PLPP1: variants seen among roughly 807,000 people sequenced by gnomAD.
PLPP1 encodes phospholipid phosphatase 1, also known as lipid phosphate phosphohydrolase 1a.
A neutral mutation model predicts 31.2 loss-of-function variants in PLPP1; 24 were observed. The observed-to-expected ratio is 0.77, with a 90% confidence interval of 0.56 to 1.08. The LOEUF is 1.08. Ranked by LOEUF, PLPP1 falls within the 50% of genes least tolerant of loss-of-function variation. The pLI is 0.00. For missense variants in PLPP1, 319 were observed against 342.7 expected, an observed-to-expected ratio of 0.93 and a Z score of 0.55; for synonymous variants, 146 against 126.3, an observed-to-expected ratio of 1.16 and a Z score of -1.05.
intron 1 of PLPP1, among the ~76,000 whole-genome samples, chr5:55,517,991 C>T (rs1380223792): frequency 6.6e-5 from 10 of 152,158 alleles, no homozygotes; most frequent in Non-Finnish European, 5.9e-5. Flanking sequence ...GGATTATAGG[C>T]GTGAGCCACC....
chr5:55,498,172 C>A lies in PLPP1; in HGVS notation c.59-22722G>T, dbSNP rs139734878. On this transcript the variant is annotated intron_variant, in intron 1 of 5. Transcript: ENST00000307259. ...CATATTAAGAACATTGGGTTTTATT[C>A]TGTGGGTAACAAGGAGACACAATTC... is the stretch of plus-strand genomic sequence containing the variant. Among the ~76,000 whole-genome samples the A allele has an allele frequency of 8.8e-4, 134 of 152,092 alleles. 1 individual carries two copies. In the Middle Eastern group the frequency reaches 0.017, roughly 19 times the overall value.
chr5:55,512,480 AAAAG>A (rs1197695331), intron 1 of PLPP1, among the ~76,000 whole-genome samples: 2 of 7,858 alleles, frequency 2.5e-4, no homozygotes, highest in Admixed American at 3.9e-3. Context: ...AAAAAAAAAA[AAAAG>A]AAAGAAAGAA....
At chr5:55,500,053 T>C (rs1333477052) in intron 1 of PLPP1, among the ~76,000 whole-genome samples, 2 of 150,656 alleles carry the variant, frequency 1.3e-5, no homozygotes, top group South Asian at 4.2e-4. Flanking sequence ...ACATCATATA[T>C]GGTATAATTT....
intron 1 of PLPP1, among the ~76,000 whole-genome samples, chr5:55,483,285 G>A (rs1164240781): frequency 6.6e-6 from 1 of 152,096 alleles, no homozygotes; most frequent in South Asian, 2.1e-4. Flanking sequence ...ATCAATGCCA[G>A]AAAAATACAA....
At chr5:55,460,214 A>G (rs937749161) in intron 3 of PLPP1, among the ~76,000 whole-genome samples, 3 of 152,212 alleles carry the variant, frequency 2.0e-5, no homozygotes, top group African/African-American at 7.2e-5. Flanking sequence ...GATCCAATAT[A>G]TCAAAATTTG....
chr5:55,440,608 C>T (rs1751600813), intron 4 of PLPP1, among the ~76,000 whole-genome samples: 1 of 150,994 alleles, frequency 6.6e-6, no homozygotes, highest in Non-Finnish European at 1.5e-5. Context: ...TGCTTCTTCA[C>T]AAAATTTAAT....
chr5:55,493,353 T>TA (rs1314623043), intron 1 of PLPP1, among the ~76,000 whole-genome samples: 7 of 151,624 alleles, frequency 4.6e-5, no homozygotes, highest in African/African-American at 1.7e-4. Flanking sequence ...TGAAAGTTAA[T>TA]GGAACAGTGT....
intron 5 of PLPP1, 92 bp from the exon 6 acceptor site, chr5:55,425,426 C>T (rs1751155973): frequency 5.8e-6 from 7 of 1,204,984 alleles, no homozygotes; most frequent in African/African-American, 1.5e-5. Context: ...TAAATATAAA[C>T]AAAAGGATAT....
chr5:55,507,686 T>C (rs981769779), intron 1 of PLPP1, among the ~76,000 whole-genome samples: 8 of 152,164 alleles, frequency 5.3e-5, no homozygotes, highest in African/African-American at 1.9e-4. Context: ...GGTTGCAGAA[T>C]TGAGATTCAA....
At chr5:55,524,074 T>A (rs868122993) in intron 1 of PLPP1, among the ~76,000 whole-genome samples, 1 of 152,200 alleles carries the variant, frequency 6.6e-6, no homozygotes, top group East Asian at 1.9e-4. Flanking sequence ...AATGATGCAA[T>A]GTCAAATACT....
intron 3 of PLPP1, among the ~76,000 whole-genome samples, chr5:55,458,887 C>CAAAAAAAAAAAAAAAAAAAAAAAAA (rs529067608): frequency 4.7e-5 from 1 of 21,098 alleles, no homozygotes; most frequent in African/African-American, 1.1e-4. Flanking sequence ...ACCCTGTCTC[C>CAAAAAAAAAAAAAAAAAAAAAAAAA]AAAAAAAAAA....
chr5:55,472,363 G>A (rs1752433166), intron 2 of PLPP1, among the ~76,000 whole-genome samples: 1 of 152,184 alleles, frequency 6.6e-6, no homozygotes, highest in African/African-American at 2.4e-5. Context: ...AGCACTTTGG[G>A]AGGCTGAGGC....
In PLPP1 at chr5:55,427,583, G is replaced by A. The variant is rs143789345; in HGVS notation, c.550-1544C>T. ...GGAAACTCAGAGCTAGGACTCCAAGGTCTTTCCTCTTTTAAGATTCTAAAA... is the reference window on the plus strand; with the variant it reads ...GGAAACTCAGAGCTAGGACTCCAAGATCTTTCCTCTTTTAAGATTCTAAAA... On this transcript the variant is annotated intron_variant, in intron 4 of 5. Transcript: ENST00000307259. Among the ~76,000 whole-genome samples the A allele has an allele frequency of 2.1e-3, 320 of 152,202 alleles. 1 individual carries two copies. The highest frequency in any genetic ancestry group is 3.1e-3 in the Non-Finnish European group (210 of 68,024).
rs1740831312 is a variant in PLPP1, at chr5:55,534,881, G to A, written c.-252C>T. Reference sequence around the variant, plus strand: ...GTGCCGAGGCGCTCGTGTGCCAGCCGCGGCAGCTCTGTAGCCTCAGGACCT... The same window carrying A: ...GTGCCGAGGCGCTCGTGTGCCAGCCACGGCAGCTCTGTAGCCTCAGGACCT... On this transcript the variant is annotated 5_prime_UTR_variant, in exon 1 of 6. Coordinates refer to ENST00000307259, the MANE Select transcript of PLPP1 (RefSeq NM_003711.4). The A allele has an allele frequency of 3.3e-5, 16 of 491,868 alleles. No individual in the cohort carries two copies. The South Asian group carries it at 4.4e-4, about 13-fold the overall frequency. The allele number at this position is 491,868 out of a possible 1,614,324, so 30.5% of individuals were successfully genotyped here.
intron 1 of PLPP1, among the ~76,000 whole-genome samples, chr5:55,477,196 A>G (rs531476257): frequency 6.6e-6 from 1 of 152,294 alleles, no homozygotes; most frequent in Admixed American, 6.5e-5. Context: ...CATGGTTACA[A>G]TATAACTTCA....
At chr5:55,455,885 G>A (rs1751994905) in intron 3 of PLPP1, among the ~76,000 whole-genome samples, 1 of 152,084 alleles carries the variant, frequency 6.6e-6, no homozygotes, top group Non-Finnish European at 1.5e-5. Context: ...GCAAATCTGT[G>A]TTTTAATAAA....
chr5:55,454,447 C>A, intron 3 of PLPP1, among the ~76,000 whole-genome samples: 1 of 152,184 alleles, frequency 6.6e-6, no homozygotes, highest in Non-Finnish European at 1.5e-5. Flanking sequence ...AAGATCCAGA[C>A]AGGTCAATAG....
chr5:55,505,303 T>C (rs1421443038), intron 1 of PLPP1, among the ~76,000 whole-genome samples: 1 of 152,064 alleles, frequency 6.6e-6, no homozygotes, highest in Non-Finnish European at 1.5e-5. Flanking sequence ...ATTTCAAAAG[T>C]AGACGTTAGG....
intron 4 of PLPP1, among the ~76,000 whole-genome samples, chr5:55,430,622 G>C (rs144242778): frequency 4.6e-5 from 7 of 152,242 alleles, no homozygotes; most frequent in Admixed American, 3.9e-4. Flanking sequence ...CAAAAAATTG[G>C]AAGAAGTGAC....
Sources: gnomAD v4.1 joint callset for allele counts (sites outside exome capture counted in the v4.1 genomes callset) on GRCh38, gnomAD v4.1.1 for gene constraint, MANE v1.5 for transcripts, NCBI Gene and HGNC (gene_info 2026-07-23, HGNC 2026-07-21) for gene names.